SLC10A1: variants seen among roughly 807,000 people sequenced by gnomAD.
SLC10A1 encodes hepatic sodium/bile acid cotransporter.
A neutral mutation model predicts 20.5 loss-of-function variants in SLC10A1; 36 were observed. The ratio of observed to expected loss-of-function variants is 1.75; its 90% CI spans 1.34 to 2.32. SLC10A1 has a LOEUF of 2.32. Ranked by LOEUF, SLC10A1 falls within the 30% of genes most tolerant of loss-of-function variation. The probability of loss-of-function intolerance (pLI) is 0.00; values close to 1 mark genes in which losing one functional copy is unlikely to be tolerated. For missense variants in SLC10A1, 545 were observed against 439.1 expected, an observed-to-expected ratio of 1.24 and a Z score of -2.16; for synonymous variants, 188 against 163.6, an observed-to-expected ratio of 1.15 and a Z score of -1.14.
At chr14:69,795,376 C>T (rs1355952322) in intron 1 of SLC10A1, among the ~76,000 whole-genome samples, 1 of 150,806 alleles carries the variant, frequency 6.6e-6, no homozygotes, top group Non-Finnish European at 1.5e-5. Flanking sequence ...CCCCAACTCT[C>T]ATTCACTCTC....
chr14:69,779,173 AAT>A lies in SLC10A1; in HGVS notation c.746+7_746+8del, dbSNP rs748754114. 13 of 1,566,330 alleles carry A rather than the reference AAT, an allele frequency of 8.3e-6. No individual in the cohort carries two copies. The African/African-American group carries it at 1.4e-4, about 17-fold the overall frequency. On this transcript the variant is annotated splice_region_variant and intron_variant, in intron 3 of 4. Coordinates refer to ENST00000216540, the MANE Select transcript of SLC10A1 (RefSeq NM_003049.4). ...GAGACCCTTTCTTAAAAAAAAAAAA[AAT>A]ACCTACCGTCCATTGAGGCAGAAGA...
At chr14:69,788,320 C>G (rs1883769898) in intron 1 of SLC10A1, among the ~76,000 whole-genome samples, 1 of 151,914 alleles carries the variant, frequency 6.6e-6, no homozygotes, top group Non-Finnish European at 1.5e-5. Context: ...TAATAAAATA[C>G]ATATTTAAAA....
intron 1 of SLC10A1, among the ~76,000 whole-genome samples, chr14:69,790,385 C>T (rs1431990855): frequency 2.6e-5 from 4 of 151,612 alleles, no homozygotes; most frequent in South Asian, 4.2e-4. Flanking sequence ...AATGATATTA[C>T]GAGAAAAGAA....
At chr14:69,790,458 T>C (rs996561658) in intron 1 of SLC10A1, among the ~76,000 whole-genome samples, 1 of 152,056 alleles carries the variant, frequency 6.6e-6, no homozygotes, top group African/African-American at 2.4e-5. Context: ...AGCAAATAAG[T>C]GTTTTAAAAA....
rs938996272 is a variant in SLC10A1 at position 69,775,578 on chromosome 14, TAA to T, written c.*702_*703del. The T allele has an allele frequency of 6.6e-6, 1 of 152,194 alleles. No individual in the cohort carries two copies. The highest frequency in any genetic ancestry group is 1.5e-5 in the Non-Finnish European group (1 of 68,032). 9.4% of individuals were successfully genotyped at this position (152,194 alleles called of 1,614,324 possible). A position where few individuals can be genotyped will look rare whatever the true frequency, so the allele number is the denominator to read the frequency against. ...GTTAAAACCAAATACCTACTGAACTTAAAAAAGAGATTATTAGTGAGGTAACA... is the reference window on the plus strand; with the variant it reads ...GTTAAAACCAAATACCTACTGAACTTAAAAGAGATTATTAGTGAGGTAACA... On this transcript the variant is annotated 3_prime_UTR_variant, in exon 5 of 5. Coordinates refer to ENST00000216540, the MANE Select transcript of SLC10A1 (RefSeq NM_003049.4).
At chr14:69,781,132 G>C (rs1883581739) in intron 2 of SLC10A1, among the ~76,000 whole-genome samples, 1 of 152,138 alleles carries the variant, frequency 6.6e-6, no homozygotes, top group African/African-American at 2.4e-5. Flanking sequence ...GACGGCATAG[G>C]ACCTGGCATA....
chr14:69,778,020 C>G (rs532348551), intron 4 of SLC10A1, among the ~76,000 whole-genome samples: 2 of 152,222 alleles, frequency 1.3e-5, no homozygotes, highest in African/African-American at 4.8e-5. Context: ...CTAATAACCT[C>G]AGTTGTCCAA....
intron 1 of SLC10A1, among the ~76,000 whole-genome samples, chr14:69,788,630 C>T (rs1347324713): frequency 1.3e-5 from 2 of 151,874 alleles, no homozygotes; most frequent in East Asian, 1.9e-4. Flanking sequence ...CTGCAAGCTC[C>T]GCCTCCTGGG....
intron 2 of SLC10A1, 96 bp from the exon 3 acceptor site, chr14:69,779,456 T>C (rs1336140667): frequency 3.3e-6 from 3 of 906,386 alleles, no homozygotes; most frequent in Non-Finnish European, 3.3e-6. Flanking sequence ...TGGGAAACAT[T>C]GCAATAAAAC....
chr14:69,777,578 GTTTTTTTTTT>G (rs4646293), intron 4 of SLC10A1, among the ~76,000 whole-genome samples: 1 of 72,448 alleles, frequency 1.4e-5, no homozygotes, highest in African/African-American at 5.2e-5. Flanking sequence ...TGAATGTCCT[GTTTTTTTTTT>G]TTTTTTTTTT....
At chr14:69,796,110 G>T (rs1355628655) in intron 1 of SLC10A1, among the ~76,000 whole-genome samples, 2 of 152,196 alleles carry the variant, frequency 1.3e-5, no homozygotes, top group Non-Finnish European at 2.9e-5. Flanking sequence ...AGCCCTTGCT[G>T]ATTTCTGCTT....
At position 69,793,802 on chromosome 14, in the gene SLC10A1, T is replaced by C. The variant is rs568376128; in HGVS notation, c.356+2998A>G. Among the ~76,000 whole-genome samples the C allele has an allele frequency of 7.9e-5, 12 of 152,338 alleles. 1 individual carries two copies. The South Asian group carries it at 2.5e-3, about 32-fold the overall frequency. ...CAAAAGAGGCCAGTTCCTGCTGGCA[T>C]AGCACTCTCTTCTCTGTGCCTGACA... On this transcript the variant is annotated intron_variant, in intron 1 of 4. Transcript: ENST00000216540.
chr14:69,782,546 G>A lies in SLC10A1; in HGVS notation c.568-3186C>T, dbSNP rs376925282. Among the ~76,000 whole-genome samples, 42 of 152,290 alleles carry A rather than the reference G, an allele frequency of 2.8e-4. 1 individual carries two copies. In the East Asian group the frequency reaches 4.6e-3, roughly 17 times the overall value. ...TTCTCGGCAAGGTGTGGTGGCTCAC[G>A]CCTGTAATCCCAGCACTTCGGGAGG... On this transcript the variant is annotated intron_variant, in intron 2 of 4. Transcript: ENST00000216540.
In SLC10A1 at chr14:69,797,041, T is replaced by C; in HGVS notation, c.115A>G (p.Met39Val). The C allele has an allele frequency of 6.2e-7, 1 of 1,613,994 alleles. No individual in the cohort carries two copies. Among genetic ancestry groups the C allele is most frequent in the Non-Finnish European group, 8.5e-7 (1 of 1,179,990 alleles). The change falls in exon 1 of 5, where the codon ATG becomes GTG. Residue 39 changes from methionine (M) to valine (V), a missense_variant. Met to Val is a conservative substitution (Grantham distance 21). Coordinates refer to ENST00000216540, the MANE Select transcript of SLC10A1 (RefSeq NM_003049.4). ...TCCATGGTGCAGCCCAGCGAGAGCATGATGAAGAACAACATGAACACCAGG... is the reference window on the plus strand; with the variant it reads ...TCCATGGTGCAGCCCAGCGAGAGCACGATGAAGAACAACATGAACACCAGG... ...VILVFMLFFI[M>V]LSLGCTMEFS... is the part of the protein sequence containing the mutation.
At chr14:69,784,971 C>G (rs1883677980) in intron 2 of SLC10A1, among the ~76,000 whole-genome samples, 1 of 152,194 alleles carries the variant, frequency 6.6e-6, no homozygotes, top group African/African-American at 2.4e-5. Flanking sequence ...CCCCTGAAAA[C>G]TGGACTCTTG....
intron 1 of SLC10A1, among the ~76,000 whole-genome samples, chr14:69,788,838 G>A (rs532712677): frequency 2.6e-4 from 40 of 152,160 alleles, no homozygotes; most frequent in South Asian, 6.2e-4. Flanking sequence ...GAGCCACCGC[G>A]CCCGGCCAAT....
chr14:69,779,610 C>T (rs1409792052), intron 2 of SLC10A1, among the ~76,000 whole-genome samples: 1 of 152,184 alleles, frequency 6.6e-6, no homozygotes, highest in Non-Finnish European at 1.5e-5. Context: ...AGCGGTCCTC[C>T]TGCCTTGGCC....
At chr14:69,792,885 G>A (rs543983936) in intron 1 of SLC10A1, among the ~76,000 whole-genome samples, 1 of 150,152 alleles carries the variant, frequency 6.7e-6, no homozygotes, top group African/African-American at 2.4e-5. Flanking sequence ...GTATAATACT[G>A]TTCGTACAAA....
chr14:69,796,904 C>G lies in SLC10A1; in HGVS notation c.252G>C (p.Arg84=), dbSNP rs1296298192. Residue 84 remains arginine, a synonymous_variant, in exon 1 of 5, where the codon CGG becomes CGC. Coordinates refer to ENST00000216540, the MANE Select transcript of SLC10A1 (RefSeq NM_003049.4). The part of the protein sequence containing the change: ...LTAFVLGKVF[R]LKNIEALAIL... ...TGGCCAGTGCCTCAATGTTCTTCAG[C>G]CGGAAGACCTTGCCCAGCACAAAGG... The G allele has an allele frequency of 1.2e-6, 2 of 1,614,220 alleles. No individual in the cohort carries two copies. The highest frequency in any genetic ancestry group is 1.7e-6 in the Non-Finnish European group (2 of 1,180,018).
Sources: gnomAD v4.1 joint callset for allele counts (sites outside exome capture counted in the v4.1 genomes callset) on GRCh38, gnomAD v4.1.1 for gene constraint, MANE v1.5 for transcripts, NCBI Gene and HGNC (gene_info 2026-07-23, HGNC 2026-07-21) for gene names.